The following MTSS1 variants were observed in gnomAD, a reference collection of about 807,000 sequenced individuals.
MTSS1 encodes the protein MTSS I-BAR domain containing 1, also known as protein MTSS 1.
A neutral mutation model predicts 79.0 loss-of-function variants in MTSS1; 18 were observed. The observed-to-expected ratio is 0.23, with a 90% confidence interval of 0.16 to 0.34. MTSS1 has a LOEUF of 0.34. Among genes scored for constraint, MTSS1 ranks in the 10% least tolerant of loss-of-function variants. MTSS1 has a pLI of 1.00. For synonymous variants in MTSS1, 341 were observed against 368.6 expected, an observed-to-expected ratio of 0.93 and a Z score of 0.86; for missense variants, 815 against 986.2, an observed-to-expected ratio of 0.83 and a Z score of 2.33.
At chr8:124,636,268 T>C (rs1442217272) in intron 3 of MTSS1, among the ~76,000 whole-genome samples, 2 of 152,218 alleles carry the variant, frequency 1.3e-5, no homozygotes. Flanking sequence ...TAGCTCGGAC[T>C]ACACTTGTGT....
chr8:124,679,633 C>T (rs145955119), intron 3 of MTSS1, among the ~76,000 whole-genome samples: 2 of 152,308 alleles, frequency 1.3e-5, no homozygotes, highest in East Asian at 3.9e-4. Context: ...AGCATGTTGG[C>T]TAGACCAAGG....
rs142277600 is a variant in MTSS1 at position 124,576,462 on chromosome 8, A to G, written c.461-7926T>C. ...GACAGCAGCTGCAGTCAGAGAATTG[A>G]TGTTGGAACATAAATGCATTCTTCG... On this transcript the variant is annotated intron_variant, in intron 6 of 13. Coordinates refer to ENST00000518547, the MANE Select transcript of MTSS1 (RefSeq NM_014751.6). 1.2e-3 allele frequency among the ~76,000 whole-genome samples: 177 copies of G among 152,292 alleles called. 2 individuals carry two copies. Among genetic ancestry groups the G allele is most frequent in the African/African-American group, 4.1e-3 (171 of 41,554 alleles).
At chr8:124,680,213 C>A (rs1293011117) in intron 3 of MTSS1, among the ~76,000 whole-genome samples, 1 of 152,232 alleles carries the variant, frequency 6.6e-6, no homozygotes, top group Admixed American at 6.5e-5. Context: ...TCAGACCACA[C>A]ATGTGGAACA....
At chr8:124,648,212 T>A (rs1819324880) in intron 3 of MTSS1, among the ~76,000 whole-genome samples, 1 of 152,176 alleles carries the variant, frequency 6.6e-6, no homozygotes, top group South Asian at 2.1e-4. Flanking sequence ...CCAAAGATTA[T>A]GAGTTGATGT....
intron 3 of MTSS1, among the ~76,000 whole-genome samples, chr8:124,620,882 C>T (rs1057029802): frequency 6.6e-6 from 1 of 152,182 alleles, no homozygotes; most frequent in African/African-American, 2.4e-5. Context: ...GCGAATGAAA[C>T]AGTATCGTGA....
At chr8:124,598,683 G>T (rs1158506722) in intron 3 of MTSS1, among the ~76,000 whole-genome samples, 1 of 152,182 alleles carries the variant, frequency 6.6e-6, no homozygotes, top group African/African-American at 2.4e-5. Context: ...TGCCATTAAA[G>T]AAACACTAAT....
At chr8:124,706,330 G>A (rs1830381678) in intron 1 of MTSS1, among the ~76,000 whole-genome samples, 1 of 152,152 alleles carries the variant, frequency 6.6e-6, no homozygotes. Context: ...AGTCTTGTGA[G>A]TTTTCTTTAT....
intron 3 of MTSS1, among the ~76,000 whole-genome samples, chr8:124,649,024 C>A (rs1414485739): frequency 6.6e-6 from 1 of 152,222 alleles, no homozygotes; most frequent in Non-Finnish European, 1.5e-5. Context: ...GGGCAACCTG[C>A]CATCCTTCAT....
At chr8:124,681,205 TAAAAA>T (rs765690095) in intron 3 of MTSS1, among the ~76,000 whole-genome samples, 2 of 126,082 alleles carry the variant, frequency 1.6e-5, no homozygotes, top group African/African-American at 5.7e-5. Context: ...CTGTGACATT[TAAAAA>T]AAAAAAAAAA....
rs1219942913 is a variant in MTSS1 at position 124,553,793 on chromosome 8, A to G, written c.1568-101T>C. 2 of 1,036,918 alleles carry G rather than the reference A, an allele frequency of 1.9e-6. No homozygotes were observed. Among genetic ancestry groups the G allele is most frequent in the African/African-American group, 1.6e-5 (1 of 62,448 alleles). The allele number at this position is 1,036,918 out of a possible 1,614,324, so 64.2% of individuals were successfully genotyped here. ...AAGGCACGCAAGGCAGGGTACACAC[A>G]CAGTCTCATCCCAAGCTTCCCCCAG... On this transcript the variant is annotated intron_variant, in intron 13 of 13. Coordinates refer to ENST00000518547, the MANE Select transcript of MTSS1 (RefSeq NM_014751.6). The surrounding 1 kb of genome is among the most constrained non-coding windows in gnomAD (Gnocchi z 6.0).
intron 11 of MTSS1, 172 bp from the exon 12 acceptor site, chr8:124,556,577 A>G (rs1212362490): frequency 2.8e-6 from 2 of 721,522 alleles, no homozygotes; most frequent in Non-Finnish European, 4.4e-6. Flanking sequence ...AGGGCAAGGA[A>G]TGGAAACCCT....
At chr8:124,602,207 A>ATACACACACATATATATAT in intron 3 of MTSS1, among the ~76,000 whole-genome samples, 1 of 142,210 alleles carries the variant, frequency 7.0e-6, no homozygotes, top group African/African-American at 2.7e-5. Flanking sequence ...ATATATATAT[A>ATACACACACATATATATAT]ATTTTTTTTT....
chr8:124,701,488 T>C (rs957869472), intron 2 of MTSS1, among the ~76,000 whole-genome samples: 2 of 152,226 alleles, frequency 1.3e-5, no homozygotes, highest in African/African-American at 4.8e-5. Flanking sequence ...GAAGCATATT[T>C]TTTAAAGAGT....
At chr8:124,580,383 AC>A in intron 6 of MTSS1, 1 of 652,220 alleles carries the variant, frequency 1.5e-6, no homozygotes, top group East Asian at 2.8e-5. Context: ...TTAAAACACA[AC>A]GCACACACAA....
intron 9 of MTSS1, chr8:124,563,214 CA>C (rs756643283): frequency 4.1e-5 from 23 of 561,052 alleles, no homozygotes; most frequent in Non-Finnish European, 5.4e-5. Flanking sequence ...CCAGGTGACC[CA>C]GGGGGAAATA....
chr8:124,553,141 C>T lies in MTSS1; in HGVS notation c.2119G>A (p.Val707Ile). The T allele has an allele frequency of 1.2e-6, 2 of 1,614,148 alleles. No homozygotes were observed. Among genetic ancestry groups the T allele is most frequent in the Non-Finnish European group, 1.7e-6 (2 of 1,180,046 alleles). ...CTCTCTGGAATCTGGCCTGGGGAGA[C>T]AGTGGCACTTGGGGGTTCCCGTTCC... ...DQEREPPSAT[V>I]SPGQIPESDP... The change falls in exon 14 of 14, where the codon GTC becomes ATC. Residue 707 changes from valine (V) to isoleucine (I), a missense_variant. Physicochemically the swap from Val to Ile is conservative, Grantham distance 29. Coordinates refer to ENST00000518547, the MANE Select transcript of MTSS1 (RefSeq NM_014751.6). The surrounding 1 kb of genome is among the most constrained non-coding windows in gnomAD (Gnocchi z 6.0).
intron 3 of MTSS1, chr8:124,673,080 G>C (rs1204069363): frequency 6.6e-6 from 1 of 152,154 alleles, no homozygotes; most frequent in East Asian, 1.9e-4. Flanking sequence ...CGCTGGACTA[G>C]TGCACTATGT....
intron 2 of MTSS1, among the ~76,000 whole-genome samples, chr8:124,702,715 T>C (rs1363162060): frequency 6.6e-6 from 1 of 152,120 alleles, no homozygotes; most frequent in Non-Finnish European, 1.5e-5. Flanking sequence ...CTCTTTATCC[T>C]GGAAAACCCC....
At chr8:124,713,163 G>T (rs1036518103) in intron 1 of MTSS1, among the ~76,000 whole-genome samples, 4 of 152,150 alleles carry the variant, frequency 2.6e-5, no homozygotes, top group Non-Finnish European at 4.4e-5. Flanking sequence ...CAAGTGCTCT[G>T]CAGTGGCTAG....
Sources: gnomAD v4.1 joint callset for allele counts (sites outside exome capture counted in the v4.1 genomes callset) on GRCh38, gnomAD v4.1.1 for gene constraint, Gnocchi (gnomAD v3.1) non-coding constraint, MANE v1.5 for transcripts, NCBI Gene and HGNC (gene_info 2026-07-23, HGNC 2026-07-21) for gene names.